Variants in NALF1 observed in about 807,000 individuals in gnomAD.
The protein encoded by NALF1 is NALCN channel auxiliary factor 1.
In NALF1, 3 loss-of-function variants were observed where a neutral mutation model predicts 48.4. The observed-to-expected ratio is 0.06, with a 90% CI of 0.03 to 0.16. The LOEUF (loss-of-function observed/expected upper bound fraction) is 0.16. Among genes scored for constraint, NALF1 ranks in the 10% least tolerant of loss-of-function variants. The pLI, the probability that NALF1 is intolerant of heterozygous loss-of-function variation, is 1.00. For synonymous variants in NALF1, 262 were observed against 245.7 expected (o/e 1.07, Z -0.62); for missense variants, 526 against 571.5 (o/e 0.92, Z 0.81).
chr13:107,428,044 C>A (rs1430996095), intron 1 of NALF1, among the ~76,000 whole-genome samples: 5 of 152,080 alleles, frequency 3.3e-5, no homozygotes, highest in Admixed American at 2.6e-4. Context: ...AGGGAAGAAG[C>A]AATTGAAATT....
Position 107,411,596 on chromosome 13 carries a change from C to G in NALF1, c.916-200841G>C, listed in dbSNP as rs72650586. ...TGCAGATGGAGCACTGAGAAGCCGT[C>G]ATTGTCGTACTCTTCACCATGCTTC... On this transcript the variant is annotated intron_variant, in intron 1 of 2. Transcript: ENST00000375915. Among the ~76,000 whole-genome samples, 291 of 152,260 alleles carry G rather than the reference C, an allele frequency of 1.9e-3. 2 individuals carry two copies. Among genetic ancestry groups the G allele is most frequent in the Non-Finnish European group, 3.1e-3 (213 of 68,012 alleles).
At chr13:107,215,505 GA>G (rs1299763633) in intron 1 of NALF1, among the ~76,000 whole-genome samples, 1 of 131,004 alleles carries the variant, frequency 7.6e-6, no homozygotes, top group African/African-American at 2.5e-5. Context: ...TCTTAATGAA[GA>G]TTTTTTTTTT....
At chr13:107,473,584 A>C (rs1885133592) in intron 1 of NALF1, among the ~76,000 whole-genome samples, 1 of 152,232 alleles carries the variant, frequency 6.6e-6, no homozygotes, top group African/African-American at 2.4e-5. Flanking sequence ...GCACTGCCTA[A>C]GAGAAGGTAG....
intron 1 of NALF1, among the ~76,000 whole-genome samples, chr13:107,220,514 G>A (rs1879967443): frequency 6.6e-6 from 1 of 152,186 alleles, no homozygotes; most frequent in Non-Finnish European, 1.5e-5. Context: ...TGAAACAGAG[G>A]ACTGGCTGCC....
intron 1 of NALF1, among the ~76,000 whole-genome samples, chr13:107,323,527 C>T (rs1271318163): frequency 1.3e-5 from 2 of 151,888 alleles, no homozygotes; most frequent in Non-Finnish European, 2.9e-5. Context: ...TCATATAGCG[C>T]TTTTTAAAAA....
chr13:107,840,179 T>C (rs1024062772), intron 1 of NALF1, among the ~76,000 whole-genome samples: 14 of 152,182 alleles, frequency 9.2e-5, no homozygotes, highest in African/African-American at 3.1e-4. Flanking sequence ...CCTAACTCTA[T>C]ACATGCAACT....
At chr13:107,368,525 G>A (rs1883191804) in intron 1 of NALF1, among the ~76,000 whole-genome samples, 1 of 152,094 alleles carries the variant, frequency 6.6e-6, no homozygotes, top group Admixed American at 6.6e-5. Context: ...CAGAGACTCT[G>A]GGGGCAATTC....
intron 1 of NALF1, among the ~76,000 whole-genome samples, chr13:107,234,721 C>T (rs1364559391): frequency 6.6e-6 from 1 of 151,850 alleles, no homozygotes; most frequent in Admixed American, 6.6e-5. Context: ...AAAACCAAAA[C>T]AAACAAAACA....
At chr13:107,435,958 C>A (rs1884457823) in intron 1 of NALF1, among the ~76,000 whole-genome samples, 1 of 152,052 alleles carries the variant, frequency 6.6e-6, no homozygotes. Flanking sequence ...AAGCTGCAGC[C>A]CAACACTGTT....
rs574437149 is a variant in NALF1 at position 107,560,886 on chromosome 13, T to G, written c.915+304796A>C. Reference sequence around the variant, plus strand: ...TCTTCACCACGGTTGTGAAGAATGCTAAGAAATTATTTTCAACATTCCTTT... The same window carrying G: ...TCTTCACCACGGTTGTGAAGAATGCGAAGAAATTATTTTCAACATTCCTTT... On this transcript the variant is annotated intron_variant, in intron 1 of 2. Coordinates refer to ENST00000375915, the MANE Select transcript of NALF1 (RefSeq NM_001080396.3). Among the ~76,000 whole-genome samples, 3 of 152,376 alleles carry G rather than the reference T, an allele frequency of 2.0e-5. No homozygotes were observed. The East Asian group carries it at 5.8e-4, about 29-fold the overall frequency.
In NALF1 at chr13:107,673,046, G is replaced by T. The variant is rs78838032; in HGVS notation, c.915+192636C>A. 5.2e-3 allele frequency among the ~76,000 whole-genome samples: 797 copies of T among 152,098 alleles called. 9 individuals carry two copies. The highest frequency in any genetic ancestry group is 0.018 in the African/African-American group (763 of 41,486). On this transcript the variant is annotated intron_variant, in intron 1 of 2. Coordinates refer to ENST00000375915, the MANE Select transcript of NALF1 (RefSeq NM_001080396.3). ...TCAACAGCAAATGCACACCCATATCGAACAACAAAGGTACCTATAGCAACT... is the reference window on the plus strand; with the variant it reads ...TCAACAGCAAATGCACACCCATATCTAACAACAAAGGTACCTATAGCAACT...
chr13:107,689,712 C>T (rs796617762), intron 1 of NALF1, among the ~76,000 whole-genome samples: 7 of 152,224 alleles, frequency 4.6e-5, no homozygotes, highest in African/African-American at 7.2e-5. Context: ...AATAAAAATA[C>T]GTTTTTCTTC....
In NALF1 at chr13:107,175,164, C is replaced by G. The variant is rs1179034309; in HGVS notation, c.1088-4378G>C. On this transcript the variant is annotated intron_variant, in intron 2 of 2. Coordinates refer to ENST00000375915, the MANE Select transcript of NALF1 (RefSeq NM_001080396.3). Reference sequence around the variant, plus strand: ...TCGGCCTCCCAAAGTGCTGGGATTACAGGCGTGAGCCATCGCGCCCGGCCC... The same window carrying G: ...TCGGCCTCCCAAAGTGCTGGGATTAGAGGCGTGAGCCATCGCGCCCGGCCC... 2.6e-5 allele frequency among the ~76,000 whole-genome samples: 4 copies of G among 151,748 alleles called. No homozygotes were observed. The East Asian group carries it at 5.8e-4, about 22-fold the overall frequency.
chr13:107,765,578 G>A (rs1483009925), intron 1 of NALF1, among the ~76,000 whole-genome samples: 1 of 152,114 alleles, frequency 6.6e-6, no homozygotes, highest in Non-Finnish European at 1.5e-5. Context: ...AACTGTATAT[G>A]TATACATTTA....
intron 1 of NALF1, among the ~76,000 whole-genome samples, chr13:107,782,243 C>CG (rs1877913822): frequency 6.6e-6 from 1 of 152,184 alleles, no homozygotes; most frequent in Non-Finnish European, 1.5e-5. Context: ...TTGGTGGAGA[C>CG]GGGGTTTCGC....
intron 1 of NALF1, among the ~76,000 whole-genome samples, chr13:107,297,864 T>C (rs115499731): frequency 2.0e-5 from 3 of 152,218 alleles, no homozygotes; most frequent in African/African-American, 7.2e-5. Context: ...AGGAGTAAAA[T>C]GAGAAAGAAG....
At chr13:107,519,228 GA>G (rs926391496) in intron 1 of NALF1, among the ~76,000 whole-genome samples, 20 of 151,070 alleles carry the variant, frequency 1.3e-4, no homozygotes, top group East Asian at 9.7e-4. Context: ...TCTCAAAGAG[GA>G]AAAAAAAATT....
intron 1 of NALF1, among the ~76,000 whole-genome samples, chr13:107,440,741 G>T (rs748031702): frequency 6.6e-6 from 1 of 152,112 alleles, no homozygotes; most frequent in Admixed American, 6.6e-5. Flanking sequence ...TGAACTAACC[G>T]AATTCTCCAA....
intron 1 of NALF1, among the ~76,000 whole-genome samples, chr13:107,818,733 G>T (rs989499294): frequency 6.8e-6 from 1 of 146,744 alleles, no homozygotes; most frequent in Non-Finnish European, 1.5e-5. Context: ...TTAGCCGGGC[G>T]TGGTAGCGGG....
Sources: gnomAD v4.1 joint callset for allele counts (sites outside exome capture counted in the v4.1 genomes callset) on GRCh38, gnomAD v4.1.1 for gene constraint, MANE v1.5 for transcripts, NCBI Gene and HGNC (gene_info 2026-07-23, HGNC 2026-07-21) for gene names.